The following C1orf167 variants were observed in gnomAD, a reference collection of about 807,000 sequenced individuals.
C1orf167 encodes the protein uncharacterized protein C1orf167.
Under a neutral mutation model 176.5 loss-of-function variants are expected in C1orf167, and 153 were observed. The observed-to-expected ratio is 0.87, with a 90% CI of 0.76 to 0.99. The LOEUF is 0.99. Ranked by LOEUF, C1orf167 falls within the 50% of genes least tolerant of loss-of-function variation. The pLI is 0.00. For synonymous variants in C1orf167, 594 were observed against 752.7 expected (o/e 0.79, Z 3.45); for missense variants, 1,490 against 1,817.7 (o/e 0.82, Z 3.28).
chr1:11,762,826 A>C (rs1021675584), intron 1 of C1orf167, among the ~76,000 whole-genome samples: 1 of 152,338 alleles, frequency 6.6e-6, no homozygotes, highest in East Asian at 1.9e-4. Context: ...CAAACAAAAA[A>C]AACCAGCCTG....
chr1:11,787,662 A>T, intron 17 of C1orf167, 169 bp downstream of exon 17: 1 of 878,954 alleles, frequency 1.1e-6, no homozygotes, highest in South Asian at 1.8e-5. Flanking sequence ...CTGAGAAAAC[A>T]CTTTGCATTC....
intron 1 of C1orf167, among the ~76,000 whole-genome samples, 132 bp downstream of exon 1, chr1:11,762,437 C>T (rs1283202602): frequency 3.9e-5 from 6 of 151,990 alleles, no homozygotes; most frequent in African/African-American, 1.4e-4. Context: ...GGGAGACGGA[C>T]GAGGAGCGGA....
chr1:11,784,484 G>A lies in C1orf167; in HGVS notation c.3316G>A (p.Ala1106Thr), dbSNP rs1043022403. The change falls in exon 15 of 21, where the codon GCT (alanine) becomes ACT (threonine). Residue 1106 changes from alanine to threonine, a missense_variant. Coordinates refer to ENST00000688073, the MANE Select transcript of C1orf167 (RefSeq NM_001010881.2). ...HEAQQQAGES[A>T]GAQAAQCWTW... is the part of the protein sequence containing the mutation. ...GGCCCAGCAGCAGGCAGGAGAGAGC[G>A]CTGGGGCCCAGGCAGCCCAGTGCTG... The A allele has an allele frequency of 1.5e-5, 20 of 1,303,060 alleles. No individual in the cohort carries two copies. Among genetic ancestry groups the A allele is most frequent in the South Asian group, 2.5e-5 (2 of 80,986 alleles). The allele number at this position is 1,303,060 out of a possible 1,614,324, so 80.7% of individuals were successfully genotyped here. A position where few individuals can be genotyped will look rare whatever the true frequency, so the allele number is the denominator to read the frequency against.
chr1:11,787,900 C>A lies in C1orf167; in HGVS notation c.3701C>A (p.Ala1234Asp). The change falls in exon 18 of 21, where the codon GCC (alanine) becomes GAC (aspartate). Residue 1234 changes from alanine (A) to aspartate (D), a missense_variant. Ala to Asp is a moderately radical substitution (Grantham distance 126). Coordinates refer to ENST00000688073, the MANE Select transcript of C1orf167 (RefSeq NM_001010881.2). ...TGCAGGGAACATTCCCTCTGCCCTG[C>A]CTTCCAGCTCTGGCCACAGTGGCCT... Reference protein sequence around the residue: ...QRCREHSLCPAFQLWPQWPGQ... With the variant: ...QRCREHSLCPDFQLWPQWPGQ... 1 of 1,249,966 alleles carries A rather than the reference C, an allele frequency of 8.0e-7. No individual in the cohort carries two copies. Among genetic ancestry groups the A allele is most frequent in the Non-Finnish European group, 1.0e-6 (1 of 963,782 alleles). The allele number at this position is 1,249,966 out of a possible 1,614,324, so 77.4% of individuals were successfully genotyped here.
intron 7 of C1orf167, among the ~76,000 whole-genome samples, 190 bp from the exon 8 acceptor site, chr1:11,771,892 G>A (rs1203686406): frequency 3.3e-5 from 5 of 152,046 alleles, no homozygotes; most frequent in Admixed American, 2.6e-4. Flanking sequence ...AGAGGAGCAC[G>A]GCCTGCATTT....
rs1553179315 is a variant in C1orf167, at chr1:11,772,894, C to CATTATTATTATTATTATTATTATTATT, written c.1988+656_1988+657insATTATTATTATTATTATTATTATTATT. Reference sequence around the variant, plus strand: ...TGGTGGTTAACTTTTTATTATGGGGCATTATTATTATTATTATTATTTGAG... The same window carrying CATTATTATTATTATTATTATTATTATT: ...TGGTGGTTAACTTTTTATTATGGGGCATTATTATTATTATTATTATTATTATTATTATTATTATTATTATTATTTGAG... On this transcript the variant is annotated intron_variant, in intron 8 of 20. Transcript: ENST00000688073. Among the ~76,000 whole-genome samples, 543 of 66,234 alleles carry CATTATTATTATTATTATTATTATTATT rather than the reference C, an allele frequency of 8.2e-3. 6 individuals carry two copies. The highest frequency in any genetic ancestry group is 0.017 in the African/African-American group (415 of 24,258). 43.5% of individuals were successfully genotyped at this position (66,234 alleles called of 152,430 possible).
chr1:11,762,264 A>C lies in C1orf167; in HGVS notation c.-112A>C, dbSNP rs1393663767. On this transcript the variant is annotated 5_prime_UTR_variant, in exon 1 of 21. Transcript: ENST00000688073. ...CGGTCCCAGCCCCCGTCTAGATTCA[A>C]ATCCGACTGGGTGAAGGAGGACCCG... The C allele has an allele frequency of 2.3e-6, 1 of 425,628 alleles. No homozygotes were observed. Among genetic ancestry groups the C allele is most frequent in the Non-Finnish European group, 4.8e-6 (1 of 208,918 alleles). The allele number at this position is 425,628 out of a possible 1,614,324, so 26.4% of individuals were successfully genotyped here.
At position 11,775,584 on chromosome 1, in the gene C1orf167, A is replaced by C; in HGVS notation, c.2138A>C (p.Gln713Pro). 1 of 1,303,692 alleles carries C rather than the reference A, an allele frequency of 7.7e-7. No homozygotes were observed. The highest frequency in any genetic ancestry group is 1.0e-6 in the Non-Finnish European group (1 of 988,752). The allele number at this position is 1,303,692 out of a possible 1,614,324, so 80.8% of individuals were successfully genotyped here. ...GAATCAGATGGGGCAAAGGTGACCC[A>C]GCTGTCCCTCTGCCGGCAGAAAGCA... ...LRESDGAKVTQLSLCRQKAGR... is the reference protein window; with the variant it reads ...LRESDGAKVTPLSLCRQKAGR... Residue 713 changes from glutamine to proline, a missense_variant, in exon 9 of 21, where the codon CAG becomes CCG. Coordinates refer to ENST00000688073, the MANE Select transcript of C1orf167 (RefSeq NM_001010881.2).
rs1304731424 is a variant in C1orf167 at position 11,764,367 on chromosome 1, G to GT, written c.-34_-33insT. 1 of 1,278,696 alleles carries GT rather than the reference G, an allele frequency of 7.8e-7. No homozygotes were observed. The highest frequency in any genetic ancestry group is 1.5e-5 in the African/African-American group (1 of 65,660). The allele number at this position is 1,278,696 out of a possible 1,614,324, so 79.2% of individuals were successfully genotyped here. On this transcript the variant is annotated 5_prime_UTR_variant, in exon 2 of 21. Coordinates refer to ENST00000688073, the MANE Select transcript of C1orf167 (RefSeq NM_001010881.2). The stretch of plus-strand genomic sequence containing the variant: ...TTAAACAGACCAGGCCACTCACTGT[G>GT]GAGTGGACCAAGGATACTCCTGTCC...
intron 19 of C1orf167, 37 bp from the exon 20 acceptor site, chr1:11,788,615 G>A (rs1392711616): frequency 3.9e-6 from 5 of 1,295,120 alleles, no homozygotes; most frequent in South Asian, 1.2e-5. Context: ...GGGGGAGCGT[G>A]AGCACAAGAG....
chr1:11,775,644 G>A (rs1293790756), intron 9 of C1orf167, 34 bp downstream of exon 9: 18 of 1,283,950 alleles, frequency 1.4e-5, no homozygotes, highest in South Asian at 3.9e-5. Context: ...CCAGCAAACC[G>A]TGTCACTTAA....
intron 6 of C1orf167, among the ~76,000 whole-genome samples, chr1:11,771,166 G>A (rs995393560): frequency 5.0e-5 from 7 of 139,806 alleles, no homozygotes; most frequent in African/African-American, 8.0e-5. Flanking sequence ...TGATCTGCCC[G>A]TCTCAGCCTC....
chr1:11,784,519 C>T lies in C1orf167; in HGVS notation c.3351C>T (p.Cys1117=), dbSNP rs542785602. The T allele has an allele frequency of 3.8e-6, 5 of 1,301,814 alleles. No homozygotes were observed. Among genetic ancestry groups the T allele is most frequent in the Non-Finnish European group, 5.1e-6 (5 of 988,194 alleles). The allele number at this position is 1,301,814 out of a possible 1,614,324, so 80.6% of individuals were successfully genotyped here. A position where few individuals can be genotyped will look rare whatever the true frequency, so the allele number is the denominator to read the frequency against. Residue 1117 remains cysteine, a synonymous_variant, in exon 15 of 21, where the codon TGC becomes TGT. Coordinates refer to ENST00000688073, the MANE Select transcript of C1orf167 (RefSeq NM_001010881.2). The part of the protein sequence containing the change: ...GAQAAQCWTW[C]WALWVHESCR... ...AGGCAGCCCAGTGCTGGACTTGGTG[C>T]TGGGCTCTGTGGGTGCATGAGTCCT... is the stretch of plus-strand genomic sequence containing the variant.
chr1:11,764,592 C>CG, intron 2 of C1orf167, 122 bp downstream of exon 2: 1 of 802,622 alleles, frequency 1.2e-6, no homozygotes, highest in Non-Finnish European at 1.8e-6. Flanking sequence ...AGAGATCAGC[C>CG]ACCCACGGTC....
chr1:11,789,530 C>T lies in C1orf167; in HGVS notation c.*84C>T. The stretch of plus-strand genomic sequence containing the variant: ...GCCCCACACATCCAGGGAGTGATGA[C>T]AGAGGGGACAGCTTGAAGAGCTCTG... On this transcript the variant is annotated 3_prime_UTR_variant, in exon 21 of 21. Transcript: ENST00000688073. 8.5e-7 allele frequency: 1 copy of T among 1,177,772 alleles called. No homozygotes were observed. Among genetic ancestry groups the T allele is most frequent in the Non-Finnish European group, 1.1e-6 (1 of 897,434 alleles). 73.0% of individuals were successfully genotyped at this position (1,177,772 alleles called of 1,614,324 possible).
At chr1:11,772,921 C>T (rs1360950582) in intron 8 of C1orf167, among the ~76,000 whole-genome samples, 2 of 23,858 alleles carry the variant, frequency 8.4e-5, no homozygotes, top group Non-Finnish European at 2.6e-4. Flanking sequence ...TTATTTGAGA[C>T]GGAGTCTCGC....
chr1:11,765,749 T>A, intron 2 of C1orf167, 108 bp from the exon 3 acceptor site: 1 of 1,050,204 alleles, frequency 9.5e-7, no homozygotes, highest in Non-Finnish European at 1.2e-6. Flanking sequence ...CTTAGCTCCC[T>A]CCCGCTGCTG....
At chr1:11,770,903 C>T (rs1293244581) in intron 6 of C1orf167, among the ~76,000 whole-genome samples, 2 of 150,478 alleles carry the variant, frequency 1.3e-5, no homozygotes, top group African/African-American at 2.4e-5. Flanking sequence ...TTCCCAGGCT[C>T]AAGCAATTCT....
Position 11,788,205 on chromosome 1 carries a change from T to G in C1orf167, c.3905T>G (p.Leu1302Arg), listed in dbSNP as rs998611792. 1.5e-6 allele frequency: 2 copies of G among 1,301,420 alleles called. No homozygotes were observed. Among genetic ancestry groups the G allele is most frequent in the African/African-American group, 3.0e-5 (2 of 65,822 alleles). The allele number at this position is 1,301,420 out of a possible 1,614,324, so 80.6% of individuals were successfully genotyped here. A position where few individuals can be genotyped will look rare whatever the true frequency, so the allele number is the denominator to read the frequency against. ...GCCCAGGCCCATGGCTCTGCCCTCC[T>G]TCTGGCCCTGAAGGGTCACGATGCT... ...KQAQAHGSAL[L>R]LALKGHDALG... Residue 1302 changes from leucine (L) to arginine (R), a missense_variant, in exon 19 of 21, where the codon CTT (leucine) becomes CGT (arginine). Transcript: ENST00000688073.
Sources: gnomAD v4.1 joint callset for allele counts (sites outside exome capture counted in the v4.1 genomes callset) on GRCh38, gnomAD v4.1.1 for gene constraint, MANE v1.5 for transcripts, NCBI Gene and HGNC (gene_info 2026-07-23, HGNC 2026-07-21) for gene names.